MAST2: variants seen among roughly 807,000 people sequenced by gnomAD.
MAST2 encodes the protein microtubule associated serine/threonine kinase 2, also known as microtubule-associated serine/threonine-protein kinase 2.
MAST2 carries 70 observed loss-of-function variants against 147.4 expected under a neutral mutation model. The ratio of observed to expected loss-of-function variants is 0.47; its 90% CI spans 0.39 to 0.58. The LOEUF is 0.58. MAST2 is among the 20% of genes least tolerant of loss of function. MAST2 has a pLI of 0.00. For missense variants in MAST2, 2,080 were observed against 2,302.3 expected, an observed-to-expected ratio of 0.90 and a Z score of 1.98; for synonymous variants, 869 against 896.8, an observed-to-expected ratio of 0.97 and a Z score of 0.55.
At chr1:45,960,755 G>A (rs916575951) in intron 5 of MAST2, among the ~76,000 whole-genome samples, 14 of 152,198 alleles carry the variant, frequency 9.2e-5, no homozygotes, top group African/African-American at 3.4e-4. Flanking sequence ...AGTGGCAATT[G>A]ACAGACTTAG....
At position 45,911,850 on chromosome 1, in the gene MAST2, GTTATATTA is replaced by G. The variant is rs1294980169; in HGVS notation, c.500+29460_500+29467del. On this transcript the variant is annotated intron_variant, in intron 4 of 28. Transcript: ENST00000361297. ...TTGCTGTTATGTCATTATTATTATTGTTATATTATTATTATTATTATTATTATTATTAT... is the reference window on the plus strand; with the variant it reads ...TTGCTGTTATGTCATTATTATTATTGTTATTATTATTATTATTATTATTAT... Among the ~76,000 whole-genome samples, 6 of 133,250 alleles carry G rather than the reference GTTATATTA, an allele frequency of 4.5e-5. No homozygotes were observed. The East Asian group carries it at 6.4e-4, about 14-fold the overall frequency. 87.4% of individuals were successfully genotyped at this position (133,250 alleles called of 152,430 possible). A position where few individuals can be genotyped will look rare whatever the true frequency, so the allele number is the denominator to read the frequency against.
intron 5 of MAST2, among the ~76,000 whole-genome samples, chr1:45,983,804 C>A (rs902110067): frequency 2.0e-5 from 3 of 152,136 alleles, no homozygotes; most frequent in Non-Finnish European, 2.9e-5. Flanking sequence ...CCAACTTTTT[C>A]TGTGCTAACA....
chr1:45,941,548 G>T (rs894651339), intron 4 of MAST2, among the ~76,000 whole-genome samples: 1 of 152,186 alleles, frequency 6.6e-6, no homozygotes, highest in Non-Finnish European at 1.5e-5. Flanking sequence ...GTGAGCTACC[G>T]TGCCTGGCCG....
At chr1:45,929,004 T>C (rs1254267057) in intron 4 of MAST2, among the ~76,000 whole-genome samples, 1 of 152,070 alleles carries the variant, frequency 6.6e-6, no homozygotes, top group African/African-American at 2.4e-5. Flanking sequence ...TGTGGTTTGG[T>C]TGGGTTGAGG....
At chr1:45,807,911 A>G (rs1044252984) in intron 1 of MAST2, among the ~76,000 whole-genome samples, 2 of 152,184 alleles carry the variant, frequency 1.3e-5, no homozygotes, top group Non-Finnish European at 2.9e-5. Context: ...TTATGATTTT[A>G]AAAAGGCCAA....
At chr1:45,844,881 C>T (rs560850815) in intron 3 of MAST2, among the ~76,000 whole-genome samples, 192 of 152,258 alleles carry the variant, frequency 1.3e-3, no homozygotes, top group African/African-American at 4.4e-3. Context: ...TCTTGGGGCT[C>T]AGAAGCCCAA....
chr1:45,989,247 A>G (rs77429378), intron 5 of MAST2, among the ~76,000 whole-genome samples: 1 of 152,146 alleles, frequency 6.6e-6, no homozygotes, highest in Non-Finnish European at 1.5e-5. Flanking sequence ...CACTCCAACA[A>G]TGAGAAACCT....
intron 4 of MAST2, among the ~76,000 whole-genome samples, chr1:45,886,214 C>T (rs533587252): frequency 4.1e-5 from 6 of 146,532 alleles, no homozygotes; most frequent in South Asian, 2.1e-4. Flanking sequence ...AGAGATAGAT[C>T]GATAAATATA....
At chr1:45,959,301 C>A in intron 4 of MAST2, 85 bp from the exon 5 acceptor site, 2 of 977,734 alleles carry the variant, frequency 2.0e-6, no homozygotes, top group South Asian at 1.4e-5. Flanking sequence ...GGAATGGTGT[C>A]CCTCTTTAGT....
chr1:45,833,939 C>T (rs557330410), intron 3 of MAST2, among the ~76,000 whole-genome samples: 23 of 151,986 alleles, frequency 1.5e-4, no homozygotes, highest in Admixed American at 3.3e-4. Flanking sequence ...CCCATTCTCC[C>T]GCCTAAAGAT....
rs146835701 is a variant in MAST2 at position 46,024,799 on chromosome 1, C to T, written c.1780+819C>T. On this transcript the variant is annotated intron_variant, in intron 15 of 28. Coordinates refer to ENST00000361297, the MANE Select transcript of MAST2 (RefSeq NM_015112.3). ...CTGGCCTGAAAAATGTCCATGACAG[C>T]TATTAGCAGATTCACTTTACTTTCC... is the stretch of plus-strand genomic sequence containing the variant. 2.0e-5 allele frequency among the ~76,000 whole-genome samples: 3 copies of T among 152,298 alleles called. No individual in the cohort carries two copies. The East Asian group carries it at 5.8e-4, about 29-fold the overall frequency.
At chr1:45,978,990 C>CTTAA (rs943948258) in intron 5 of MAST2, among the ~76,000 whole-genome samples, 53 of 152,244 alleles carry the variant, frequency 3.5e-4, no homozygotes, top group African/African-American at 1.1e-3. Context: ...AAACTGCACA[C>CTTAA]TTAAGGGTAA....
chr1:45,936,671 G>T (rs1406909948), intron 4 of MAST2, among the ~76,000 whole-genome samples: 1 of 151,972 alleles, frequency 6.6e-6, no homozygotes, highest in Non-Finnish European at 1.5e-5. Context: ...TGAAAGACTG[G>T]CACCACTGTT....
chr1:45,803,927 A>AGCC lies in MAST2; in HGVS notation c.42_44dup (p.Pro15dup), dbSNP rs1398375361. ...CGGAGCCGCTGCCGCGACCGACCGC[A>AGCC]GCCGCCGCCGCCCGACCGCCGGGAG... is the stretch of plus-strand genomic sequence containing the variant. On this transcript the variant is annotated inframe_insertion, in exon 1 of 29. Coordinates refer to ENST00000361297, the MANE Select transcript of MAST2 (RefSeq NM_015112.3). The AGCC allele has an allele frequency of 2.6e-6, 2 of 766,708 alleles. No homozygotes were observed. Among genetic ancestry groups the AGCC allele is most frequent in the Non-Finnish European group, 3.7e-6 (2 of 538,002 alleles). 47.5% of individuals were successfully genotyped at this position (766,708 alleles called of 1,614,324 possible).
At chr1:45,994,438 C>T (rs1190053127) in intron 5 of MAST2, among the ~76,000 whole-genome samples, 1 of 152,020 alleles carries the variant, frequency 6.6e-6, no homozygotes, top group Non-Finnish European at 1.5e-5. Context: ...AGGCATGTGC[C>T]AGCACAGCCG....
chr1:45,839,165 G>A (rs112739559), intron 3 of MAST2, among the ~76,000 whole-genome samples: 4,792 of 144,458 alleles, frequency 0.033, 113 homozygotes, highest in Non-Finnish European at 0.048. Context: ...GTCTCGCTCT[G>A]TTTGCCAGGC....
chr1:45,867,090 C>T (rs937510426), intron 3 of MAST2, among the ~76,000 whole-genome samples: 4 of 152,170 alleles, frequency 2.6e-5, no homozygotes, highest in Admixed American at 2.0e-4. Context: ...AAGGTTCATT[C>T]TCCAGAAGAT....
At chr1:45,989,965 G>A (rs539090170) in intron 5 of MAST2, among the ~76,000 whole-genome samples, 27 of 152,300 alleles carry the variant, frequency 1.8e-4, no homozygotes, top group Non-Finnish European at 3.2e-4. Context: ...GCCACAGTAT[G>A]TTTATCCATC....
chr1:45,898,212 G>A (rs1253869219), intron 4 of MAST2, among the ~76,000 whole-genome samples: 1 of 152,100 alleles, frequency 6.6e-6, no homozygotes, highest in African/African-American at 2.4e-5. Context: ...AGTCATACTA[G>A]CATCCTCCCC....
Sources: gnomAD v4.1 joint callset for allele counts (sites outside exome capture counted in the v4.1 genomes callset) on GRCh38, gnomAD v4.1.1 for gene constraint, MANE v1.5 for transcripts, NCBI Gene and HGNC (gene_info 2026-07-23, HGNC 2026-07-21) for gene names.